The following GNS variants were observed in gnomAD, a reference collection of about 807,000 sequenced individuals.
GNS encodes the protein N-acetylglucosamine-6-sulfatase.
Under a neutral mutation model 69.7 loss-of-function variants are expected in GNS, and 40 were observed. The observed-to-expected ratio is 0.57, with a 90% confidence interval of 0.45 to 0.75. The LOEUF (loss-of-function observed/expected upper bound fraction) is 0.75. Among genes scored for constraint, GNS ranks in the 30% least tolerant of loss-of-function variants. The pLI is 0.00. For missense variants in GNS, 565 were observed against 685.5 expected (o/e 0.82, Z 1.96); for synonymous variants, 243 against 251.6 (o/e 0.97, Z 0.32).
intron 6 of GNS, among the ~76,000 whole-genome samples, chr12:64,742,208 G>GTC (rs1869763360): frequency 4.6e-5 from 7 of 152,142 alleles, no homozygotes; most frequent in Non-Finnish European, 8.8e-5. Flanking sequence ...TTTTAGTAGA[G>GTC]ATGGGGTTTC....
intron 9 of GNS, among the ~76,000 whole-genome samples, chr12:64,731,038 G>C (rs886207663): frequency 5.3e-5 from 8 of 152,216 alleles, no homozygotes; most frequent in Non-Finnish European, 8.8e-5. Context: ...TATAATGGGA[G>C]GCTTGTTCCT....
intron 1 of GNS, among the ~76,000 whole-genome samples, 191 bp downstream of exon 1, chr12:64,758,894 C>T (rs1347514634): frequency 1.3e-5 from 2 of 152,216 alleles, no homozygotes; most frequent in Admixed American, 6.5e-5. Flanking sequence ...ACGCATGTGC[C>T]TCAATCCAGA....
At position 64,759,346 on chromosome 12, in the gene GNS, G is replaced by A; in HGVS notation, c.-70C>T. 1 of 1,061,450 alleles carries A rather than the reference G, an allele frequency of 9.4e-7. No homozygotes were observed. The highest frequency in any genetic ancestry group is 2.6e-5 in the East Asian group (1 of 38,228). 65.8% of individuals were successfully genotyped at this position (1,061,450 alleles called of 1,614,324 possible). ...GGACGCACAGGTAGCTGAAGGGCGAGAGGCCGACCAGCCGAAGGAATAAAA... is the reference window on the plus strand; with the variant it reads ...GGACGCACAGGTAGCTGAAGGGCGAAAGGCCGACCAGCCGAAGGAATAAAA... On this transcript the variant is annotated 5_prime_UTR_variant, in exon 1 of 14. Coordinates refer to ENST00000258145, the MANE Select transcript of GNS (RefSeq NM_002076.4).
At chr12:64,756,040 A>C (rs1432584955) in intron 1 of GNS, among the ~76,000 whole-genome samples, 3 of 152,216 alleles carry the variant, frequency 2.0e-5, no homozygotes, top group Non-Finnish European at 4.4e-5. Flanking sequence ...ATGATGTTTA[A>C]ATAAAATCAA....
intron 1 of GNS, among the ~76,000 whole-genome samples, chr12:64,753,528 T>C (rs1870146840): frequency 6.6e-6 from 1 of 152,210 alleles, no homozygotes; most frequent in African/African-American, 2.4e-5. Context: ...GAAGAGGTCA[T>C]TTTAGTTGTA....
intron 8 of GNS, 66 bp from the exon 9 acceptor site, chr12:64,737,173 C>T: frequency 2.3e-6 from 2 of 881,410 alleles, no homozygotes; most frequent in Admixed American, 1.7e-5. Context: ...TTATGTTTCA[C>T]TCATTTAATC....
rs112293628 is a variant in GNS, at chr12:64,742,221, T to C, written c.792+920A>G. Among the ~76,000 whole-genome samples the C allele has an allele frequency of 1.2e-3, 186 of 152,188 alleles. 2 individuals are homozygous for C. In the East Asian group the frequency reaches 0.02, roughly 16 times the overall value. ...ACTTTTAGTAGAGATGGGGTTTCAC[T>C]GTGTTAGCCAGGATGGTCTCAATCT... is the stretch of plus-strand genomic sequence containing the variant. On this transcript the variant is annotated intron_variant, in intron 6 of 13. Coordinates refer to ENST00000258145, the MANE Select transcript of GNS (RefSeq NM_002076.4).
rs898374001 is a variant in GNS at position 64,719,909 on chromosome 12, C to T, written c.1580+113G>A. ...TGATGCAATTAGAACACAGTATTCC[C>T]TCTAAAGCAGAAGAATCATCATCTC... On this transcript the variant is annotated intron_variant, in intron 13 of 13. Coordinates refer to ENST00000258145, the MANE Select transcript of GNS (RefSeq NM_002076.4). 3.8e-6 allele frequency: 3 copies of T among 784,282 alleles called. No individual in the cohort carries two copies. In the African/African-American group the frequency reaches 5.1e-5, roughly 13 times the overall value. 48.6% of individuals were successfully genotyped at this position (784,282 alleles called of 1,614,324 possible).
chr12:64,758,308 CCTTTTT>C (rs1206940027), intron 1 of GNS, among the ~76,000 whole-genome samples: 36 of 115,700 alleles, frequency 3.1e-4, no homozygotes, highest in African/African-American at 1.1e-3. Context: ...TCACTTCAGG[CCTTTTT>C]TTTTTTTTTT....
intron 6 of GNS, 22 bp from the exon 7 acceptor site, chr12:64,740,710 A>T: frequency 8.5e-7 from 1 of 1,180,662 alleles, no homozygotes. Context: ...AAGAAAAAAA[A>T]TGTTAACACC....
At chr12:64,724,607 C>T (rs1227383573) in intron 10 of GNS, among the ~76,000 whole-genome samples, 1 of 152,174 alleles carries the variant, frequency 6.6e-6, no homozygotes, top group Non-Finnish European at 1.5e-5. Flanking sequence ...CCTGTAATCC[C>T]AGCACTTCGT....
Position 64,744,872 on chromosome 12 carries a change from A to G in GNS, c.561T>C (p.Ser187=), listed in dbSNP as rs1375515095. 2 of 1,546,022 alleles carry G rather than the reference A, an allele frequency of 1.3e-6. No individual in the cohort carries two copies. The highest frequency in any genetic ancestry group is 1.4e-5 in the African/African-American group (1 of 73,760). The stretch of plus-strand genomic sequence containing the variant: ...CATGCTTCCGTGCCTTCCCATTGAT[A>G]GACAGGGTGTAATTATAATACTTAG... ...KNSKYYNYTL[S]INGKARKHGE... The change falls in exon 5 of 14, where the codon TCT becomes TCC. Residue 187 remains serine (S), a synonymous_variant. Coordinates refer to ENST00000258145, the MANE Select transcript of GNS (RefSeq NM_002076.4).
At chr12:64,739,058 G>C (rs761627979) in intron 8 of GNS, among the ~76,000 whole-genome samples, 1 of 152,132 alleles carries the variant, frequency 6.6e-6, no homozygotes, top group Non-Finnish European at 1.5e-5. Flanking sequence ...TGAATGGCAA[G>C]AAAGTTTTCC....
intron 9 of GNS, among the ~76,000 whole-genome samples, chr12:64,732,869 G>A (rs1565883432): frequency 6.6e-6 from 1 of 151,950 alleles, no homozygotes; most frequent in Non-Finnish European, 1.5e-5. Flanking sequence ...AAAGTGCTAG[G>A]ATTACAGGCG....
chr12:64,716,757 G>A lies in GNS; in HGVS notation c.1643C>T (p.Ser548Phe). The change falls in exon 14 of 14, where the codon TCC (serine) becomes TTC (phenylalanine). Residue 548 changes from serine to phenylalanine, a missense_variant. Coordinates refer to ENST00000258145, the MANE Select transcript of GNS (RefSeq NM_002076.4). ...GTGAGGTCGCTACAGAAGATGTTTG[G>A]AAAATCTTCGAGTCCTGACACTGCC... Reference protein sequence around the residue: ...NRGSVRTRRFSKHLL With the variant: ...NRGSVRTRRFFKHLL The A allele has an allele frequency of 6.2e-7, 1 of 1,610,168 alleles. No individual in the cohort carries two copies. The highest frequency in any genetic ancestry group is 8.5e-7 in the Non-Finnish European group (1 of 1,176,398).
intron 1 of GNS, 22 bp downstream of exon 1, chr12:64,759,062 CG>C (rs775719209): frequency 3.9e-6 from 6 of 1,540,466 alleles, no homozygotes; most frequent in Non-Finnish European, 5.3e-6. Context: ...GATAGAGGGG[CG>C]GGGCAGAAAC....
intron 1 of GNS, among the ~76,000 whole-genome samples, chr12:64,755,497 G>A (rs190497255): frequency 2.0e-5 from 3 of 148,948 alleles, no homozygotes; most frequent in Non-Finnish European, 3.0e-5. Context: ...GGAATCTCTT[G>A]AACTCAGGAG....
rs1301576326 is a variant in GNS at position 64,715,350 on chromosome 12, C to G, written c.*1391G>C. The G allele has an allele frequency of 1.3e-5, 2 of 152,194 alleles. No homozygotes were observed. Among genetic ancestry groups the G allele is most frequent in the Admixed American group, 1.3e-4 (2 of 15,268 alleles). The allele number at this position is 152,194 out of a possible 1,614,324, so 9.4% of individuals were successfully genotyped here. ...TGGCCAACATGGTGAAACTCTGTCT[C>G]TACTAAAAATACAAAAAATTAGCTG... is the stretch of plus-strand genomic sequence containing the variant. On this transcript the variant is annotated 3_prime_UTR_variant, in exon 14 of 14. Transcript: ENST00000258145.
rs1870265644 is a variant in GNS, at chr12:64,756,818, C to CA, written c.192+2266_192+2267insT. ...GAACATTAAGTTTGACTTATGCCCT[C>CA]CACTCAATTTTGGTACCTCTCTCCA... On this transcript the variant is annotated intron_variant, in intron 1 of 13. Coordinates refer to ENST00000258145, the MANE Select transcript of GNS (RefSeq NM_002076.4). The CA allele has an allele frequency of 4.4e-6, 4 of 910,030 alleles. No homozygotes were observed. In the South Asian group the frequency reaches 5.7e-5, roughly 13 times the overall value. The allele number at this position is 910,030 out of a possible 1,614,324, so 56.4% of individuals were successfully genotyped here. A position where few individuals can be genotyped will look rare whatever the true frequency, so the allele number is the denominator to read the frequency against.
Sources: gnomAD v4.1 joint callset for allele counts (sites outside exome capture counted in the v4.1 genomes callset) on GRCh38, gnomAD v4.1.1 for gene constraint, MANE v1.5 for transcripts, NCBI Gene and HGNC (gene_info 2026-07-23, HGNC 2026-07-21) for gene names.